The following STMN3 variants were observed in gnomAD, a reference collection of about 807,000 sequenced individuals.
STMN3 encodes the protein stathmin-3.
STMN3 carries 24 observed loss-of-function variants against 23.2 expected under a neutral mutation model. The ratio of observed to expected loss-of-function variants is 1.03; its 90% confidence interval spans 0.75 to 1.45. The LOEUF is 1.45. Among genes scored for constraint, STMN3 ranks in the 40% most tolerant of loss-of-function variants. The pLI is 0.00. For missense variants in STMN3, 235 were observed against 237.6 expected, an observed-to-expected ratio of 0.99 and a Z score of 0.07; for synonymous variants, 117 against 103.4, an observed-to-expected ratio of 1.13 and a Z score of -0.80.
chr20:63,644,177 C>T, intron 2 of STMN3, 37 bp downstream of exon 2: 1 of 1,567,034 alleles, frequency 6.4e-7, no homozygotes, highest in African/African-American at 1.3e-5. Context: ...GGTGGGCAGG[C>T]ACCGCAGGGA....
intron 1 of STMN3, among the ~76,000 whole-genome samples, chr20:63,649,161 G>C (rs1348056979): frequency 1.3e-5 from 2 of 152,162 alleles, no homozygotes; most frequent in African/African-American, 4.8e-5. Context: ...TCTATCCCAA[G>C]AGACTGTCCC....
At chr20:63,643,971 C>A in intron 2 of STMN3, 40 bp from the exon 3 acceptor site, 1 of 1,582,268 alleles carries the variant, frequency 6.3e-7, no homozygotes, top group Non-Finnish European at 8.5e-7. Flanking sequence ...GAGGCCCGGC[C>A]AGGGCATGGC....
At chr20:63,648,229 G>A (rs1279041979) in intron 1 of STMN3, among the ~76,000 whole-genome samples, 1 of 151,822 alleles carries the variant, frequency 6.6e-6, no homozygotes, top group Non-Finnish European at 1.5e-5. Flanking sequence ...GACATTTAGA[G>A]GAGCTGAAGA....
chr20:63,643,523 T>C, intron 3 of STMN3: 1 of 529,446 alleles, frequency 1.9e-6, no homozygotes. Flanking sequence ...TCAAGTGATC[T>C]GCCTGCCTCA....
rs1169021305 is a variant in STMN3, at chr20:63,647,755, AAT to A, written c.20-3448_20-3447del. ...CATATATATACACGTGTATATATAT[AAT>A]ATATATACATATATACACGTGTATA... On this transcript the variant is annotated intron_variant, in intron 1 of 4. Transcript: ENST00000370053. 1.4e-4 allele frequency among the ~76,000 whole-genome samples: 18 copies of A among 125,348 alleles called. 1 individual carries two copies. Among genetic ancestry groups the A allele is most frequent in the African/African-American group, 2.9e-4 (10 of 35,034 alleles). 82.2% of individuals were successfully genotyped at this position (125,348 alleles called of 152,430 possible). A position where few individuals can be genotyped will look rare whatever the true frequency, so the allele number is the denominator to read the frequency against.
rs2089863770 is a variant in STMN3 at position 63,652,053 on chromosome 20, G to C, written c.19+1274C>G. The C allele has an allele frequency of 6.6e-6, 1 of 152,558 alleles. No individual in the cohort carries two copies. Among genetic ancestry groups the C allele is most frequent in the East Asian group, 1.9e-4 (1 of 5,182 alleles). The allele number at this position is 152,558 out of a possible 1,614,324, so 9.5% of individuals were successfully genotyped here. On this transcript the variant is annotated intron_variant, in intron 1 of 4. Transcript: ENST00000370053. The surrounding 1 kb of genome is among the most constrained non-coding windows in gnomAD (Gnocchi z 5.3). ...CCCCGGGGGTGTCCAGGAGGAGGCG[G>C]AGGGAGGAAGCGCAGATGGACAGGA...
Position 63,640,872 on chromosome 20 carries a change from C to A in STMN3, c.*466G>T, listed in dbSNP as rs1405311923. 4 of 253,872 alleles carry A rather than the reference C, an allele frequency of 1.6e-5. No homozygotes were observed. In the East Asian group the frequency reaches 3.7e-4, roughly 24 times the overall value. 15.7% of individuals were successfully genotyped at this position (253,872 alleles called of 1,614,324 possible). A position where few individuals can be genotyped will look rare whatever the true frequency, so the allele number is the denominator to read the frequency against. Reference sequence around the variant, plus strand: ...GCAGGCTCCCAGGCACCATCACCCCCCTCCCCCGTCGCCCCTCCCTCATGG... The same window carrying A: ...GCAGGCTCCCAGGCACCATCACCCCACTCCCCCGTCGCCCCTCCCTCATGG... On this transcript the variant is annotated 3_prime_UTR_variant, in exon 5 of 5. Coordinates refer to ENST00000370053, the MANE Select transcript of STMN3 (RefSeq NM_015894.4).
chr20:63,653,322 C>T lies in STMN3; in HGVS notation c.19+5G>A. 6.5e-7 allele frequency: 1 copy of T among 1,547,438 alleles called. No individual in the cohort carries two copies. Among genetic ancestry groups the T allele is most frequent in the Non-Finnish European group, 8.7e-7 (1 of 1,146,022 alleles). On this transcript the variant is annotated splice_donor_5th_base_variant and intron_variant, in intron 1 of 4. Coordinates refer to ENST00000370053, the MANE Select transcript of STMN3 (RefSeq NM_015894.4). Reference sequence around the variant, plus strand: ...CCCCACAAAGCCCGTGGCCCCGGAGCCTACCGGAAATGGTGCTGGCCATGG... The same window carrying T: ...CCCCACAAAGCCCGTGGCCCCGGAGTCTACCGGAAATGGTGCTGGCCATGG...
intron 3 of STMN3, 36 bp from the exon 4 acceptor site, chr20:63,642,335 C>G (rs746827858): frequency 2.0e-5 from 27 of 1,378,392 alleles, no homozygotes; most frequent in Non-Finnish European, 2.5e-5. Flanking sequence ...GAGCGGCAAC[C>G]CCGGGCCCTG....
intron 2 of STMN3, 70 bp downstream of exon 2, chr20:63,644,143 GC>G: frequency 6.8e-7 from 1 of 1,466,802 alleles, no homozygotes; most frequent in South Asian, 1.2e-5. Context: ...CAGAGAGACT[GC>G]CGGAGGCCGG....
intron 1 of STMN3, 71 bp downstream of exon 1, chr20:63,653,256 C>G: frequency 6.6e-7 from 1 of 1,517,478 alleles, no homozygotes; most frequent in East Asian, 2.7e-5. Context: ...CGGCCGCTGC[C>G]CCAGGCGAGG....
chr20:63,647,867 TAC>T (rs2089826332), intron 1 of STMN3, among the ~76,000 whole-genome samples: 1 of 125,508 alleles, frequency 8.0e-6, no homozygotes, highest in Non-Finnish European at 1.7e-5. Context: ...TACGTATATA[TAC>T]ACGTGTATAT....
In STMN3 at chr20:63,652,613, C is replaced by T; in HGVS notation, c.19+714G>A. 2.0e-6 allele frequency: 2 copies of T among 985,376 alleles called. No homozygotes were observed. Among genetic ancestry groups the T allele is most frequent in the Non-Finnish European group, 2.4e-6 (2 of 829,902 alleles). The allele number at this position is 985,376 out of a possible 1,614,324, so 61.0% of individuals were successfully genotyped here. ...GTCCGCCCCGCGGGAGGTGGAGGGG[C>T]GGGAGGGGCGGAGCCCTCTGGTCTC... On this transcript the variant is annotated intron_variant, in intron 1 of 4. Transcript: ENST00000370053. This position sits in a 1 kb window ranked among gnomAD's most constrained non-coding sequence, Gnocchi z 5.3.
chr20:63,647,666 T>C (rs1426177072), intron 1 of STMN3, among the ~76,000 whole-genome samples: 2 of 114,226 alleles, frequency 1.8e-5, no homozygotes, highest in African/African-American at 3.0e-5. Flanking sequence ...ATATATAATA[T>C]ATATATACGT....
chr20:63,652,960 G>A lies in STMN3; in HGVS notation c.19+367C>T, dbSNP rs1264483752. 6.6e-6 allele frequency among the ~76,000 whole-genome samples: 1 copy of A among 151,854 alleles called. No individual in the cohort carries two copies. The highest frequency in any genetic ancestry group is 6.5e-5 in the Admixed American group (1 of 15,268). On this transcript the variant is annotated intron_variant, in intron 1 of 4. Transcript: ENST00000370053. This position sits in a 1 kb window ranked among gnomAD's most constrained non-coding sequence, Gnocchi z 5.3. ...TGGCGGACCCAGATCTCGGGTCGCC[G>A]GACGCCCCAGGGACCCCGCCCGCAC...
chr20:63,649,961 G>T (rs1429019225), intron 1 of STMN3, among the ~76,000 whole-genome samples: 1 of 152,036 alleles, frequency 6.6e-6, no homozygotes, highest in East Asian at 1.9e-4. Flanking sequence ...CAAGTAGCTA[G>T]AATTACAGGC....
At position 63,640,060 on chromosome 20, in the gene STMN3, C is replaced by G. The variant is rs943167544; in HGVS notation, c.*1278G>C. 1 of 153,004 alleles carries G rather than the reference C, an allele frequency of 6.5e-6. No individual in the cohort carries two copies. The highest frequency in any genetic ancestry group is 1.5e-5 in the Non-Finnish European group (1 of 68,276). 9.5% of individuals were successfully genotyped at this position (153,004 alleles called of 1,614,324 possible). A position where few individuals can be genotyped will look rare whatever the true frequency, so the allele number is the denominator to read the frequency against. ...AGACACTGGCAGTGCCCGGCCAAGG[C>G]CTCCCGCAGGATGGAAGTTGAGGGC... On this transcript the variant is annotated 3_prime_UTR_variant, in exon 5 of 5. Transcript: ENST00000370053.
Position 63,641,389 on chromosome 20 carries a change from G to C in STMN3, c.492C>G (p.His164Gln). The C allele has an allele frequency of 6.4e-7, 1 of 1,566,448 alleles. No homozygotes were observed. The highest frequency in any genetic ancestry group is 1.2e-5 in the South Asian group (1 of 85,300). The change falls in exon 5 of 5, where the codon CAC becomes CAG. Residue 164 changes from histidine (H) to glutamine (Q), a missense_variant. His to Gln is a conservative substitution (Grantham distance 24). Coordinates refer to ENST00000370053, the MANE Select transcript of STMN3 (RefSeq NM_015894.4). ...LRERLREKEL[H>Q]AAEVRRNKEQ... ...CCTTGTTCCTGCGCACCTCGGCCGC[G>C]TGCAGCTCCTGCAGGACAGGGGGCG... is the stretch of plus-strand genomic sequence containing the variant.
At chr20:63,647,991 T>TATATATATATACATACAC (rs1288050001) in intron 1 of STMN3, among the ~76,000 whole-genome samples, 2 of 75,892 alleles carry the variant, frequency 2.6e-5, no homozygotes, top group South Asian at 8.7e-4. Context: ...CATATATATA[T>TATATATATATACATACAC]ACAGAGAGAG....
Sources: gnomAD v4.1 joint callset for allele counts (sites outside exome capture counted in the v4.1 genomes callset) on GRCh38, gnomAD v4.1.1 for gene constraint, Gnocchi (gnomAD v3.1) non-coding constraint, MANE v1.5 for transcripts, NCBI Gene and HGNC (gene_info 2026-07-23, HGNC 2026-07-21) for gene names.